FSTL5: variants seen among roughly 807,000 people sequenced by gnomAD.
The protein encoded by FSTL5 is follistatin like 5.
Under a neutral mutation model 89.1 loss-of-function variants are expected in FSTL5, and 62 were observed. The observed-to-expected ratio is 0.70, with a 90% CI of 0.57 to 0.86. The LOEUF (loss-of-function observed/expected upper bound fraction) is 0.86, where lower values mean the gene tolerates loss of function less well. Ranked by LOEUF, FSTL5 falls within the 40% of genes least tolerant of loss-of-function variation. The pLI, the probability that FSTL5 is intolerant of heterozygous loss-of-function variation, is 0.00. For missense variants in FSTL5, 1,057 were observed against 1,001.6 expected (o/e 1.06, Z -0.75); for synonymous variants, 383 against 346.2 (o/e 1.11, Z -1.18).
At chr4:161,766,026 G>T (rs751055535) in intron 5 of FSTL5, among the ~76,000 whole-genome samples, 1 of 151,894 alleles carries the variant, frequency 6.6e-6, no homozygotes, top group Non-Finnish European at 1.5e-5. Context: ...AACTCCTTAC[G>T]TCATGATCCA....
At chr4:161,636,639 A>G (rs1735725405) in intron 7 of FSTL5, among the ~76,000 whole-genome samples, 1 of 141,484 alleles carries the variant, frequency 7.1e-6, no homozygotes, top group Admixed American at 7.2e-5. Flanking sequence ...CAGTCCCCAG[A>G]GTGTGATATT....
intron 8 of FSTL5, among the ~76,000 whole-genome samples, chr4:161,543,620 T>C (rs943891313): frequency 3.3e-5 from 5 of 151,920 alleles, no homozygotes; most frequent in African/African-American, 4.8e-5. Context: ...GACACAAAGA[T>C]GGAATAGACT....
intron 13 of FSTL5, among the ~76,000 whole-genome samples, chr4:161,473,719 A>C (rs1327233394): frequency 1.3e-5 from 2 of 152,168 alleles, no homozygotes; most frequent in Non-Finnish European, 2.9e-5. Flanking sequence ...AGTGTGAGCC[A>C]CCACACCAGG....
rs1243470462 is a variant in FSTL5, at chr4:161,905,278, T to C, written c.409+15126A>G. Among the ~76,000 whole-genome samples, 3 of 152,294 alleles carry C rather than the reference T, an allele frequency of 2.0e-5. No homozygotes were observed. The East Asian group carries it at 5.8e-4, about 29-fold the overall frequency. On this transcript the variant is annotated intron_variant, in intron 4 of 15. Transcript: ENST00000306100. ...ATAGACAATGTTGGACAGTATTGTC[T>C]TTGCTTAACCATAGACTATATCTGC...
chr4:162,145,308 C>T (rs984830904), intron 1 of FSTL5, among the ~76,000 whole-genome samples: 27 of 151,782 alleles, frequency 1.8e-4, no homozygotes, highest in Admixed American at 6.6e-5. Context: ...ACACACAAAG[C>T]GTAAGTGGGA....
intron 6 of FSTL5, among the ~76,000 whole-genome samples, chr4:161,746,340 T>C (rs1425353553): frequency 6.6e-6 from 1 of 152,202 alleles, no homozygotes; most frequent in African/African-American, 2.4e-5. Flanking sequence ...TCCCCTAATA[T>C]TCCTTAAATC....
chr4:161,719,662 T>C (rs1353917740), intron 6 of FSTL5, among the ~76,000 whole-genome samples: 2 of 152,116 alleles, frequency 1.3e-5, no homozygotes, highest in Admixed American at 1.3e-4. Flanking sequence ...CTTTCATCAG[T>C]ATTTTATGGT....
intron 8 of FSTL5, among the ~76,000 whole-genome samples, chr4:161,573,252 A>T (rs1443575477): frequency 6.6e-6 from 1 of 152,006 alleles, no homozygotes; most frequent in Non-Finnish European, 1.5e-5. Context: ...TCTACTAAAA[A>T]TACAAAAATT....
chr4:161,394,743 A>G (rs1264412591), intron 15 of FSTL5, among the ~76,000 whole-genome samples: 2 of 152,320 alleles, frequency 1.3e-5, no homozygotes, highest in East Asian at 3.9e-4. Context: ...AGGTTGTAAT[A>G]TATGTTTAGA....
In FSTL5 at chr4:161,484,863, A is replaced by T. The variant is rs115670671; in HGVS notation, c.1459-3694T>A. Among the ~76,000 whole-genome samples, 524 of 152,296 alleles carry T rather than the reference A, an allele frequency of 3.4e-3. 3 individuals carry two copies. Among genetic ancestry groups the T allele is most frequent in the African/African-American group, 0.011 (473 of 41,568 alleles). Reference sequence around the variant, plus strand: ...TGTTTTAGACACTTGATTTGTCATAAAAGGTTCTTTCATTCTTGCAAGGCA... The same window carrying T: ...TGTTTTAGACACTTGATTTGTCATATAAGGTTCTTTCATTCTTGCAAGGCA... On this transcript the variant is annotated intron_variant, in intron 12 of 15. Coordinates refer to ENST00000306100, the MANE Select transcript of FSTL5 (RefSeq NM_020116.5).
intron 7 of FSTL5, among the ~76,000 whole-genome samples, chr4:161,635,949 AC>A (rs1735674358): frequency 6.6e-6 from 1 of 152,202 alleles, no homozygotes; most frequent in African/African-American, 2.4e-5. Context: ...CTCTGCATCA[AC>A]AAATTCCTTA....
At chr4:161,581,439 C>T (rs1455290818) in intron 8 of FSTL5, among the ~76,000 whole-genome samples, 2 of 151,826 alleles carry the variant, frequency 1.3e-5, no homozygotes, top group Non-Finnish European at 2.9e-5. Flanking sequence ...TTCTAGATCT[C>T]TCTGCAGTCT....
intron 3 of FSTL5, among the ~76,000 whole-genome samples, chr4:161,924,777 A>G (rs1446098457): frequency 6.6e-6 from 1 of 151,872 alleles, no homozygotes; most frequent in East Asian, 1.9e-4. Flanking sequence ...TAAAACAATA[A>G]TAAAGAGGGA....
chr4:162,039,518 G>A (rs1737868415), intron 2 of FSTL5, among the ~76,000 whole-genome samples: 3 of 151,874 alleles, frequency 2.0e-5, no homozygotes, highest in Non-Finnish European at 2.9e-5. Flanking sequence ...GAAATTTCCT[G>A]TTATGCAAAC....
intron 7 of FSTL5, among the ~76,000 whole-genome samples, chr4:161,606,329 CGACT>C (rs1734438967): frequency 6.6e-6 from 1 of 150,418 alleles, no homozygotes; most frequent in South Asian, 2.1e-4. Flanking sequence ...CTGCAACCTC[CGACT>C]GACTACCGGC....
chr4:162,087,537 C>A (rs1340251382), intron 2 of FSTL5, among the ~76,000 whole-genome samples: 2 of 152,222 alleles, frequency 1.3e-5, no homozygotes, highest in East Asian at 3.9e-4. Context: ...TAGAGGTTGT[C>A]TAACACTCTT....
intron 3 of FSTL5, among the ~76,000 whole-genome samples, chr4:161,964,748 G>A (rs1014514859): frequency 5.3e-5 from 8 of 151,946 alleles, no homozygotes; most frequent in Admixed American, 1.3e-4. Context: ...CTTCTAGGAC[G>A]CAGCATGATA....
chr4:161,769,021 A>G (rs781335108), intron 5 of FSTL5, among the ~76,000 whole-genome samples: 5 of 151,962 alleles, frequency 3.3e-5, no homozygotes, highest in African/African-American at 7.2e-5. Context: ...TAAAACTGAT[A>G]CTACAGAAAT....
rs537757237 is a variant in FSTL5 at position 161,640,377 on chromosome 4, G to A, written c.894+15951C>T. On this transcript the variant is annotated intron_variant, in intron 7 of 15. Coordinates refer to ENST00000306100, the MANE Select transcript of FSTL5 (RefSeq NM_020116.5). ...GATCTATTCAACAAAGGTTTTAGACGATTGTTTTCTAGTTTCTCAAAGAAC... is the reference window on the plus strand; with the variant it reads ...GATCTATTCAACAAAGGTTTTAGACAATTGTTTTCTAGTTTCTCAAAGAAC... Among the ~76,000 whole-genome samples, 17 of 152,192 alleles carry A rather than the reference G, an allele frequency of 1.1e-4. No individual in the cohort carries two copies. The East Asian group carries it at 1.5e-3, about 14-fold the overall frequency.
Sources: allele counts gnomAD v4.1 joint callset (sites outside exome capture counted in the v4.1 genomes callset), GRCh38; gene constraint gnomAD v4.1.1; transcripts MANE v1.5; gene names NCBI Gene and HGNC (gene_info 2026-07-23, HGNC 2026-07-21).